Variants in PREX1 observed in about 807,000 individuals in gnomAD.
PREX1 encodes phosphatidylinositol 3,4,5-trisphosphate-dependent Rac exchanger 1 protein.
Under a neutral mutation model 198.3 loss-of-function variants are expected in PREX1, and 41 were observed. That is an observed-to-expected ratio of 0.21 (90% CI 0.16 to 0.27). The LOEUF (loss-of-function observed/expected upper bound fraction) is 0.27. Among genes scored for constraint, PREX1 ranks in the 10% least tolerant of loss-of-function variants. The pLI is 1.00. For missense variants in PREX1, 1,620 were observed against 2,200.7 expected (o/e 0.74, Z 5.28); for synonymous variants, 843 against 887.2 (o/e 0.95, Z 0.89).
chr20:48,708,204 C>G, intron 6 of PREX1, 56 bp downstream of exon 6: 3 of 1,586,908 alleles, frequency 1.9e-6, no homozygotes, highest in African/African-American at 1.3e-5. Context: ...ATGACTGCAC[C>G]TGTGCACCTC....
intron 31 of PREX1, among the ~76,000 whole-genome samples, chr20:48,637,241 C>T (rs1009172999): frequency 2.0e-5 from 3 of 152,240 alleles, no homozygotes; most frequent in Admixed American, 2.0e-4. Context: ...GAATTATTTC[C>T]AATGGCCGGC....
At chr20:48,749,014 C>G (rs1354792921) in intron 1 of PREX1, among the ~76,000 whole-genome samples, 2 of 152,018 alleles carry the variant, frequency 1.3e-5, no homozygotes, top group Non-Finnish European at 2.9e-5. Flanking sequence ...TGGCCTGGCA[C>G]CAGGTGGTGT....
At chr20:48,804,875 GA>G (rs1568870448) in intron 1 of PREX1, among the ~76,000 whole-genome samples, 1 of 152,216 alleles carries the variant, frequency 6.6e-6, no homozygotes, top group Non-Finnish European at 1.5e-5. Flanking sequence ...TGACTGGAAG[GA>G]GGGGGCCGCA....
chr20:48,635,199 C>T (rs556731335), intron 32 of PREX1, among the ~76,000 whole-genome samples: 4 of 152,276 alleles, frequency 2.6e-5, no homozygotes, highest in South Asian at 2.1e-4. Flanking sequence ...GTTTCTCTCC[C>T]GCTCACCCTG....
intron 1 of PREX1, among the ~76,000 whole-genome samples, chr20:48,776,906 G>A (rs938631461): frequency 3.3e-5 from 5 of 152,128 alleles, no homozygotes; most frequent in Non-Finnish European, 1.5e-5. Flanking sequence ...CACAGGTAAA[G>A]CATCACACAC....
intron 1 of PREX1, among the ~76,000 whole-genome samples, chr20:48,817,681 C>T (rs189019854): frequency 1.3e-5 from 2 of 152,302 alleles, no homozygotes; most frequent in East Asian, 3.9e-4. Context: ...CCCCAGCTCA[C>T]ATACCCACAT....
At position 48,726,320 on chromosome 20, in the gene PREX1, C is replaced by T. The variant is rs1412999869; in HGVS notation, c.591G>A (p.Gln197=). 1 of 1,613,942 alleles carries T rather than the reference C, an allele frequency of 6.2e-7. No individual in the cohort carries two copies. Among genetic ancestry groups the T allele is most frequent in the South Asian group, 1.1e-5 (1 of 90,952 alleles). The change falls in exon 5 of 40, where the codon CAG becomes CAA. Residue 197 remains glutamine (Q), a synonymous_variant. Transcript: ENST00000371941. The part of the protein sequence containing the change: ...PLEGYLLSPI[Q]RICKYPLLLK... ...GGAGGAGCGGGTACTTGCAGATCCT[C>T]TGGATCGGAGACAACAGGTAGCCTT...
At chr20:48,797,667 A>G (rs1424675027) in intron 1 of PREX1, among the ~76,000 whole-genome samples, 1 of 152,008 alleles carries the variant, frequency 6.6e-6, no homozygotes, top group Admixed American at 6.5e-5. Flanking sequence ...ACCTTCCTCA[A>G]ACAACCCTGT....
the PREX1 span, among the ~76,000 whole-genome samples, chr20:48,863,586 CT>C: frequency 0.016 from 1,683 of 104,292 alleles, 11 homozygotes; most frequent in African/African-American, 0.022. Context: ...TTCATATTGT[CT>C]TTTTTTTTTT....
At chr20:48,823,075 C>T (rs1034086703) in intron 1 of PREX1, among the ~76,000 whole-genome samples, 1 of 152,172 alleles carries the variant, frequency 6.6e-6, no homozygotes, top group Non-Finnish European at 1.5e-5. Context: ...TTTGTCTCCT[C>T]CCTCCAAAAA....
chr20:48,755,954 G>GCT (rs773268733), intron 1 of PREX1, among the ~76,000 whole-genome samples: 73 of 152,168 alleles, frequency 4.8e-4, no homozygotes, highest in Non-Finnish European at 8.4e-4. Context: ...AAACACACAG[G>GCT]CTCTCTCTCG....
intron 10 of PREX1, 28 bp downstream of exon 10, chr20:48,688,629 C>A (rs776385755): frequency 3.8e-5 from 61 of 1,613,548 alleles, no homozygotes; most frequent in Non-Finnish European, 4.8e-5. Context: ...GCCCAGGGAC[C>A]CAGGGAGTTC....
intron 1 of PREX1, among the ~76,000 whole-genome samples, chr20:48,803,788 G>C (rs900194800): frequency 6.6e-6 from 1 of 152,330 alleles, no homozygotes; most frequent in South Asian, 2.1e-4. Context: ...CCCTCTGGAT[G>C]GGTGATACTT....
chr20:48,778,023 G>A (rs2090271121), intron 1 of PREX1, among the ~76,000 whole-genome samples: 1 of 152,180 alleles, frequency 6.6e-6, no homozygotes, highest in Admixed American at 6.5e-5. Context: ...GGTGGGGACT[G>A]TGGCAAACTG....
chr20:48,744,157 C>T (rs1049347919), intron 3 of PREX1, among the ~76,000 whole-genome samples: 2 of 152,110 alleles, frequency 1.3e-5, no homozygotes, highest in African/African-American at 4.8e-5. Flanking sequence ...TTGGTGGCAT[C>T]CCTGGCCTCT....
intron 1 of PREX1, among the ~76,000 whole-genome samples, chr20:48,771,841 A>C (rs916752512): frequency 6.6e-6 from 1 of 152,168 alleles, no homozygotes; most frequent in Non-Finnish European, 1.5e-5. Context: ...AGCATAGAAG[A>C]AGCATTCAGC....
chr20:48,839,941 G>C, the PREX1 span, among the ~76,000 whole-genome samples: 1 of 152,182 alleles, frequency 6.6e-6, no homozygotes, highest in Non-Finnish European at 1.5e-5. Context: ...GGATTATTAT[G>C]AGCCATAAAA....
chr20:48,659,854 GC>G lies in PREX1; in HGVS notation c.1881+64del, dbSNP rs370499320. ...CTTCCCTGTGCATAACCAGAAGGTC[GC>G]CCAGCTCCCATGCCTGCAGGGGGCT... On this transcript the variant is annotated intron_variant, in intron 16 of 39. Transcript: ENST00000371941. 1.1e-3 allele frequency: 1,737 copies of G among 1,604,818 alleles called. 11 individuals carry two copies. The African/African-American group carries it at 0.019, about 17-fold the overall frequency.
the PREX1 span, among the ~76,000 whole-genome samples, chr20:48,870,000 T>A: frequency 2.0e-4 from 31 of 152,320 alleles, 1 homozygote; most frequent in South Asian, 5.0e-3. Flanking sequence ...TCCCAGAACT[T>A]AACGTAAAAT....
Sources: allele counts gnomAD v4.1 joint callset (sites outside exome capture counted in the v4.1 genomes callset), GRCh38; gene constraint gnomAD v4.1.1; transcripts MANE v1.5; gene names NCBI Gene and HGNC (gene_info 2026-07-23, HGNC 2026-07-21).